SPRY2: variants seen among roughly 807,000 people sequenced by gnomAD.
The protein encoded by SPRY2 is sprouty RTK signaling antagonist 2.
Under a neutral mutation model 23.4 loss-of-function variants are expected in SPRY2, and 10 were observed. The observed-to-expected ratio is 0.43, with a 90% CI of 0.26 to 0.73. SPRY2 has a LOEUF of 0.73. Ranked by LOEUF, SPRY2 falls within the 30% of genes least tolerant of loss-of-function variation. SPRY2 has a pLI of 0.22. For missense variants in SPRY2, 344 were observed against 396.9 expected, an observed-to-expected ratio of 0.87 and a Z score of 1.13; for synonymous variants, 170 against 156.9, an observed-to-expected ratio of 1.08 and a Z score of -0.62.
At chr13:80,340,294 C>T (rs970067616) in intron 1 of SPRY2, among the ~76,000 whole-genome samples, 4 of 152,248 alleles carry the variant, frequency 2.6e-5, no homozygotes, top group African/African-American at 4.8e-5. Flanking sequence ...CTCTCAGCGC[C>T]GAATTCGCGG....
In SPRY2 at chr13:80,338,063, C is replaced by T. The variant is rs1306837155; in HGVS notation, c.-51-307G>A. 2.0e-5 allele frequency among the ~76,000 whole-genome samples: 3 copies of T among 152,148 alleles called. No individual in the cohort carries two copies. In the East Asian group the frequency reaches 5.8e-4, roughly 29 times the overall value. ...TAAGGTTCAGGTTCAACGTAAAAAT[C>T]GCAAGGAAGTATTGCTGGAATATAA... On this transcript the variant is annotated intron_variant, in intron 1 of 1. Transcript: ENST00000377104.
In SPRY2 at chr13:80,336,213, A is replaced by T. The variant is rs1313510141; in HGVS notation, c.*545T>A. Reference sequence around the variant, plus strand: ...ATTTTACTGTAACTGTACAATATACATGAAGTCCAAAGGGAAATCAGAGTC... The same window carrying T: ...ATTTTACTGTAACTGTACAATATACTTGAAGTCCAAAGGGAAATCAGAGTC... On this transcript the variant is annotated 3_prime_UTR_variant, in exon 2 of 2. Coordinates refer to ENST00000377104, the MANE Select transcript of SPRY2 (RefSeq NM_005842.4). 6.0e-6 allele frequency: 1 copy of T among 166,522 alleles called. No homozygotes were observed. The highest frequency in any genetic ancestry group is 1.7e-4 in the East Asian group (1 of 6,026). 10.3% of individuals were successfully genotyped at this position (166,522 alleles called of 1,614,324 possible).
intron 1 of SPRY2, among the ~76,000 whole-genome samples, chr13:80,338,224 T>C (rs968405885): frequency 6.6e-6 from 1 of 152,234 alleles, no homozygotes; most frequent in African/African-American, 2.4e-5. Context: ...ATTTTTACTT[T>C]TACATCAAAC....
At chr13:80,339,035 G>A (rs1880401110) in intron 1 of SPRY2, 1 of 152,468 alleles carries the variant, frequency 6.6e-6, no homozygotes, top group Non-Finnish European at 1.5e-5. Context: ...GGGGCCGCGG[G>A]CGCCTCCGAA....
rs77511168 is a variant in SPRY2, at chr13:80,336,707, A to T, written c.*51T>A. On this transcript the variant is annotated 3_prime_UTR_variant, in exon 2 of 2. Coordinates refer to ENST00000377104, the MANE Select transcript of SPRY2 (RefSeq NM_005842.4). ...GTTTAGTTGGTTGCATATGTGTATT[A>T]AAAAAAGAAAGAAAAAATCCTCATT... The T allele has an allele frequency of 1.9e-6, 3 of 1,541,370 alleles. No individual in the cohort carries two copies. The highest frequency in any genetic ancestry group is 2.7e-6 in the Non-Finnish European group (3 of 1,128,284).
chr13:80,339,534 T>G (rs563201020), intron 1 of SPRY2: 169 of 152,134 alleles, frequency 1.1e-3, no homozygotes, highest in African/African-American at 3.9e-3. Flanking sequence ...CAAAGTAGCA[T>G]CTTTGAAATA....
At position 80,336,981 on chromosome 13, in the gene SPRY2, C is replaced by T. The variant is rs1171758198; in HGVS notation, c.725G>A (p.Cys242Tyr). The T allele has an allele frequency of 1.2e-6, 2 of 1,614,116 alleles. No individual in the cohort carries two copies. The highest frequency in any genetic ancestry group is 1.7e-6 in the Non-Finnish European group (2 of 1,180,052). The change falls in exon 2 of 2, where the codon TGT becomes TAT. Residue 242 changes from cysteine (C) to tyrosine (Y), a missense_variant. Physicochemically the swap from Cys to Tyr is radical, Grantham distance 194. Coordinates refer to ENST00000377104, the MANE Select transcript of SPRY2 (RefSeq NM_005842.4). ...DDEDNCADNP[C>Y]SCSQSHCCTR... ...ACAACAGTGAGACTGGCTGCAAGAACATGGGTTGTCAGCACAGTTGTCCTC... is the reference window on the plus strand; with the variant it reads ...ACAACAGTGAGACTGGCTGCAAGAATATGGGTTGTCAGCACAGTTGTCCTC...
intron 1 of SPRY2, among the ~76,000 whole-genome samples, chr13:80,339,819 A>C (rs1237574916): frequency 6.6e-6 from 1 of 152,226 alleles, no homozygotes; most frequent in Non-Finnish European, 1.5e-5. Context: ...CAACAACAAC[A>C]ACAAAAGGAA....
chr13:80,338,989 G>GT (rs965729778), intron 1 of SPRY2: 10 of 152,598 alleles, frequency 6.6e-5, no homozygotes, highest in African/African-American at 2.4e-4. Context: ...GGGCCAGGCT[G>GT]CCCCCCTGCT....
Position 80,336,553 on chromosome 13 carries a change from C to G in SPRY2, c.*205G>C. ...ACATGGGTCACCAAGTTCTGTATCTCATACTTTGAGCTCCATTAGCTGAGT... is the reference window on the plus strand; with the variant it reads ...ACATGGGTCACCAAGTTCTGTATCTGATACTTTGAGCTCCATTAGCTGAGT... On this transcript the variant is annotated 3_prime_UTR_variant, in exon 2 of 2. Coordinates refer to ENST00000377104, the MANE Select transcript of SPRY2 (RefSeq NM_005842.4). 1.6e-6 allele frequency: 1 copy of G among 644,954 alleles called. No homozygotes were observed. 40.0% of individuals were successfully genotyped at this position (644,954 alleles called of 1,614,324 possible).
Position 80,336,729 on chromosome 13 carries a change from C to A in SPRY2, c.*29G>T. ...ATTAAAAAAAGAAAGAAAAAATCCTCATTACTGTAATATTCCTGATTAATG... is the reference window on the plus strand; with the variant it reads ...ATTAAAAAAAGAAAGAAAAAATCCTAATTACTGTAATATTCCTGATTAATG... On this transcript the variant is annotated 3_prime_UTR_variant, in exon 2 of 2. Coordinates refer to ENST00000377104, the MANE Select transcript of SPRY2 (RefSeq NM_005842.4). 6.3e-7 allele frequency: 1 copy of A among 1,598,642 alleles called. No individual in the cohort carries two copies. Among genetic ancestry groups the A allele is most frequent in the South Asian group, 1.1e-5 (1 of 89,658 alleles).
Position 80,336,050 on chromosome 13 carries a change from T to C in SPRY2, c.*708A>G, listed in dbSNP as rs572867211. 1 of 152,354 alleles carries C rather than the reference T, an allele frequency of 6.6e-6. No individual in the cohort carries two copies. Among genetic ancestry groups the C allele is most frequent in the African/African-American group, 2.4e-5 (1 of 41,580 alleles). The allele number at this position is 152,354 out of a possible 1,614,324, so 9.4% of individuals were successfully genotyped here. On this transcript the variant is annotated 3_prime_UTR_variant, in exon 2 of 2. Transcript: ENST00000377104. ...TCTGTAACCCCTCATTTGCAGCAAC[T>C]ATCACATCCTCATAAAAGGGGCAAA...
chr13:80,336,529 C>T lies in SPRY2; in HGVS notation c.*229G>A, dbSNP rs777377114. On this transcript the variant is annotated 3_prime_UTR_variant, in exon 2 of 2. Transcript: ENST00000377104. ...CTGTGTTGCTTTAGCTTATGCAATACATGGGTCACCAAGTTCTGTATCTCA... is the reference window on the plus strand; with the variant it reads ...CTGTGTTGCTTTAGCTTATGCAATATATGGGTCACCAAGTTCTGTATCTCA... The T allele has an allele frequency of 3.3e-6, 2 of 604,234 alleles. No individual in the cohort carries two copies. The highest frequency in any genetic ancestry group is 5.8e-6 in the Non-Finnish European group (2 of 343,522). The allele number at this position is 604,234 out of a possible 1,614,324, so 37.4% of individuals were successfully genotyped here.
In SPRY2 at chr13:80,336,454, T is replaced by C; in HGVS notation, c.*304A>G. On this transcript the variant is annotated 3_prime_UTR_variant, in exon 2 of 2. Transcript: ENST00000377104. ...AATGGAAAAAAGTCATCTGCTAATT[T>C]ACAAGTTTTGCAAGTACTATTCACA... The C allele has an allele frequency of 2.3e-6, 1 of 427,052 alleles. No individual in the cohort carries two copies. The highest frequency in any genetic ancestry group is 2.0e-5 in the African/African-American group (1 of 50,298). 26.5% of individuals were successfully genotyped at this position (427,052 alleles called of 1,614,324 possible).
In SPRY2 at chr13:80,336,884, AC is replaced by A. The variant is rs1880287404; in HGVS notation, c.821del (p.Gly274ValfsTer81). The A allele has an allele frequency of 6.2e-7, 1 of 1,614,114 alleles. No homozygotes were observed. The highest frequency in any genetic ancestry group is 8.5e-7 in the Non-Finnish European group (1 of 1,180,042). ...PCLWCYLPAKGCLKLCQGCYD... is the reference protein window; with the variant it reads ...PCLWCYLPAKXCLKLCQGCYD... ...AACACCCCTGGCACAATTTAAGGCA[AC>A]CCTTGGCTGGAAGGTAACACCATAA... On this transcript the variant is annotated frameshift_variant, in exon 2 of 2. Transcript: ENST00000377104. LOFTEE classifies it high-confidence loss of function.
At chr13:80,337,780 C>A in intron 1 of SPRY2, 24 bp from the exon 2 acceptor site, 1 of 1,348,778 alleles carries the variant, frequency 7.4e-7, no homozygotes, top group Admixed American at 1.8e-5. Context: ...GAGGAAAGAA[C>A]GGTTGATACT....
Position 80,337,340 on chromosome 13 carries a change from C to A in SPRY2, c.366G>T (p.Thr122=), listed in dbSNP as rs764512911. The part of the protein sequence containing the change: ...STVSSGSRSS[T]RTSTSSSSSE... ...AGGAGCTGCTGCTGGTACTTGTCCT[C>A]GTACTGCTCCGCGACCCTGAGCTGA... The change falls in exon 2 of 2, where the codon ACG becomes ACT. Residue 122 remains threonine (T), a synonymous_variant. Coordinates refer to ENST00000377104, the MANE Select transcript of SPRY2 (RefSeq NM_005842.4). 1.9e-6 allele frequency: 3 copies of A among 1,614,054 alleles called. No individual in the cohort carries two copies. The highest frequency in any genetic ancestry group is 2.5e-6 in the Non-Finnish European group (3 of 1,180,058).
At chr13:80,337,849 A>G in intron 1 of SPRY2, 93 bp from the exon 2 acceptor site, 1 of 762,580 alleles carries the variant, frequency 1.3e-6, no homozygotes, top group Non-Finnish European at 2.3e-6. Flanking sequence ...CACTTTCCCT[A>G]GAGAAACAGG....
rs933709120 is a variant in SPRY2 at position 80,340,991 on chromosome 13, G to T, written c.-421C>A. On this transcript the variant is annotated 5_prime_UTR_variant, in exon 1 of 2. Transcript: ENST00000377104. ...CAGATCGCCAAGTGGTGCGGCCGGG[G>T]CCGCGTCGTAGCGGAGGCGGCGCGG... is the stretch of plus-strand genomic sequence containing the variant. 1.3e-5 allele frequency: 2 copies of T among 150,200 alleles called. No homozygotes were observed. Among genetic ancestry groups the T allele is most frequent in the Admixed American group, 6.7e-5 (1 of 15,016 alleles). The allele number at this position is 150,200 out of a possible 1,614,324, so 9.3% of individuals were successfully genotyped here. A position where few individuals can be genotyped will look rare whatever the true frequency, so the allele number is the denominator to read the frequency against.
Sources: allele counts gnomAD v4.1 joint callset (sites outside exome capture counted in the v4.1 genomes callset), GRCh38; gene constraint gnomAD v4.1.1; transcripts MANE v1.5; gene names NCBI Gene and HGNC (gene_info 2026-07-23, HGNC 2026-07-21).